Variants in PAK1IP1 observed in about 807,000 individuals in gnomAD.
PAK1IP1 encodes the protein p21-activated protein kinase-interacting protein 1.
In PAK1IP1, 24 loss-of-function variants were observed where a neutral mutation model predicts 42.0. That is an observed-to-expected ratio of 0.57 (90% CI 0.41 to 0.80). The LOEUF is 0.80. PAK1IP1 is among the 30% of genes least tolerant of loss of function. The pLI, the probability that PAK1IP1 is intolerant of heterozygous loss-of-function variation, is 0.00. For missense variants in PAK1IP1, 411 were observed against 467.9 expected, an observed-to-expected ratio of 0.88 and a Z score of 1.12; for synonymous variants, 154 against 156.7, an observed-to-expected ratio of 0.98 and a Z score of 0.13.
At position 10,702,439 on chromosome 6, in the gene PAK1IP1, T is replaced by C. The variant is rs772929209; in HGVS notation, c.318T>C (p.Cys106=). The change falls in exon 3 of 10, where the codon TGT becomes TGC. Residue 106 remains cysteine, a synonymous_variant. Transcript: ENST00000379568. ...LISGAEDGLI[C]IWDAKKWECL... ...GTGGAGCGGAAGATGGACTCATCTGTATCTGGGATGCAAAGAAATGGGAAT... is the reference window on the plus strand; with the variant it reads ...GTGGAGCGGAAGATGGACTCATCTGCATCTGGGATGCAAAGAAATGGGAAT... 1.5e-5 allele frequency: 25 copies of C among 1,613,856 alleles called. 1 individual carries two copies. In the South Asian group the frequency reaches 2.7e-4, roughly 18 times the overall value.
intron 2 of PAK1IP1, among the ~76,000 whole-genome samples, chr6:10,700,077 G>T (rs1018143577): frequency 4.0e-5 from 6 of 151,776 alleles, no homozygotes; most frequent in Non-Finnish European, 7.4e-5. Context: ...TGGCGGGGGC[G>T]GGGGGGCTTC....
chr6:10,692,309 CACTT>C (rs1163520844), upstream of PAK1IP1, among the ~76,000 whole-genome samples: 3 of 152,182 alleles, frequency 2.0e-5, no homozygotes, highest in Non-Finnish European at 4.4e-5. Context: ...GTCCAGAGGA[CACTT>C]ACTTCACACT....
intron 7 of PAK1IP1, among the ~76,000 whole-genome samples, chr6:10,706,513 C>T (rs916300652): frequency 1.3e-5 from 2 of 152,152 alleles, no homozygotes; most frequent in Admixed American, 1.3e-4. Flanking sequence ...CCACTTCTTC[C>T]TCTCCCATCT....
At chr6:10,700,767 C>CTCTTGGTT (rs1770003247) in intron 2 of PAK1IP1, among the ~76,000 whole-genome samples, 1 of 152,102 alleles carries the variant, frequency 6.6e-6, no homozygotes, top group African/African-American at 2.4e-5. Context: ...TGAAGTAGGG[C>CTCTTGGTT]TCTTGGTTTC....
chr6:10,696,974 A>C (rs1454008904), intron 1 of PAK1IP1, among the ~76,000 whole-genome samples: 1 of 152,254 alleles, frequency 6.6e-6, no homozygotes, highest in East Asian at 1.9e-4. Context: ...TCTCACATAT[A>C]AAGTAAATAC....
chr6:10,693,638 G>A (rs537506664), upstream of PAK1IP1, among the ~76,000 whole-genome samples: 49 of 152,240 alleles, frequency 3.2e-4, no homozygotes, highest in Non-Finnish European at 6.9e-4. Context: ...CGGTGTTTAT[G>A]AGAACTATAC....
At position 10,709,265 on chromosome 6, in the gene PAK1IP1, A is replaced by G; in HGVS notation, c.992A>G (p.Lys331Arg). The change falls in exon 10 of 10, where the codon AAA becomes AGA. Residue 331 changes from lysine to arginine, a missense_variant. Lys to Arg is a conservative substitution (Grantham distance 26). Coordinates refer to ENST00000379568, the MANE Select transcript of PAK1IP1 (RefSeq NM_017906.3). ...AGTAAAGAACAGTCCAAAATTGGCA[A>G]AAAGGAGCCTGGTGACACAGTGCAC... ...PVSKEQSKIG[K>R]KEPGDTVHKE... 4 of 1,611,176 alleles carry G rather than the reference A, an allele frequency of 2.5e-6. No individual in the cohort carries two copies. The highest frequency in any genetic ancestry group is 2.5e-6 in the Non-Finnish European group (3 of 1,179,360).
upstream of PAK1IP1, chr6:10,694,911 T>TTG (rs1295828247): frequency 9.9e-6 from 9 of 908,126 alleles, no homozygotes; most frequent in African/African-American, 1.6e-4. Flanking sequence ...GTGTTTTTTT[T>TTG]TTTTTTTTTT....
chr6:10,703,621 T>C lies in PAK1IP1; in HGVS notation c.496+164T>C, dbSNP rs111764241. Among the ~76,000 whole-genome samples the C allele has an allele frequency of 5.8e-3, 878 of 152,326 alleles. 8 individuals are homozygous for C. The highest frequency in any genetic ancestry group is 0.02 in the African/African-American group (834 of 41,560). On this transcript the variant is annotated intron_variant, in intron 5 of 9. Transcript: ENST00000379568. ...TCAGAACCTTGTTTCATACACAAAA[T>C]TATTTAAAATATTGTGTAAAATTAC...
intron 2 of PAK1IP1, among the ~76,000 whole-genome samples, chr6:10,699,740 C>G (rs929779403): frequency 2.0e-5 from 3 of 152,212 alleles, no homozygotes; most frequent in African/African-American, 7.2e-5. Context: ...CCACACCAGG[C>G]ATTGGTTTCC....
chr6:10,704,636 CTG>C lies in PAK1IP1; in HGVS notation c.628_629del (p.Val210Ter). 1 of 1,612,188 alleles carries C rather than the reference CTG, an allele frequency of 6.2e-7. No homozygotes were observed. The highest frequency in any genetic ancestry group is 2.2e-5 in the East Asian group (1 of 44,832). Reference sequence around the variant, plus strand: ...ATCACAAATGAAAAGAGAATTTCCTCTGTTAAATTTCTTTCAGTAAGTAATCA... The same window carrying C: ...ATCACAAATGAAAAGAGAATTTCCTCTTAAATTTCTTTCAGTAAGTAATCA... On this transcript the variant is annotated frameshift_variant, in exon 6 of 10. Transcript: ENST00000379568. LOFTEE classifies it high-confidence loss of function.
chr6:10,709,283 C>T lies in PAK1IP1; in HGVS notation c.1010C>T (p.Thr337Ile). 6.2e-7 allele frequency: 1 copy of T among 1,613,788 alleles called. No homozygotes were observed. Among genetic ancestry groups the T allele is most frequent in the Non-Finnish European group, 8.5e-7 (1 of 1,179,950 alleles). ...SKIGKKEPGD[T>I]VHKEEKRSKP... ...ATTGGCAAAAAGGAGCCTGGTGACA[C>T]AGTGCACAAAGAAGAAAAGCGGTCA... The change falls in exon 10 of 10, where the codon ACA becomes ATA. Residue 337 changes from threonine to isoleucine, a missense_variant. By Grantham distance (89) the Thr-to-Ile change is moderately conservative. Transcript: ENST00000379568.
intron 2 of PAK1IP1, 88 bp downstream of exon 2, chr6:10,697,574 T>C (rs1769897162): frequency 9.7e-7 from 1 of 1,031,186 alleles, no homozygotes; most frequent in South Asian, 1.6e-5. Flanking sequence ...ATCTATTTTA[T>C]AGCAGATTCT....
upstream of PAK1IP1, among the ~76,000 whole-genome samples, chr6:10,690,949 G>A (rs1297825200): frequency 6.6e-6 from 1 of 152,144 alleles, no homozygotes; most frequent in African/African-American, 2.4e-5. Flanking sequence ...ATGAAAATCC[G>A]CAATCTAAGA....
In PAK1IP1 at chr6:10,706,345, G is replaced by A. The variant is rs12175480; in HGVS notation, c.741-1070G>A. The stretch of plus-strand genomic sequence containing the variant: ...AGGTGAGAATGAGCAAGGAGAAGAC[G>A]GTGGAAGCCAATCGGTGCCTGTAAT... On this transcript the variant is annotated intron_variant, in intron 7 of 9. Coordinates refer to ENST00000379568, the MANE Select transcript of PAK1IP1 (RefSeq NM_017906.3). Among the ~76,000 whole-genome samples, 54 of 152,060 alleles carry A rather than the reference G, an allele frequency of 3.6e-4. 2 individuals are homozygous for A. The East Asian group carries it at 8.2e-3, about 23-fold the overall frequency.
chr6:10,708,137 T>A (rs1770261717), intron 8 of PAK1IP1, among the ~76,000 whole-genome samples: 1 of 151,956 alleles, frequency 6.6e-6, no homozygotes, highest in Non-Finnish European at 1.5e-5. Flanking sequence ...TTTAGAATAT[T>A]TTCATCACAC....
chr6:10,709,603 T>TA lies in PAK1IP1; in HGVS notation c.*167dup, dbSNP rs34602235. ...AAAACCACTTTTAGATGGTTTTTTT[T>TA]AAAAAAAAAAAAAAAACTGGTAAAA... On this transcript the variant is annotated 3_prime_UTR_variant, in exon 10 of 10. Coordinates refer to ENST00000379568, the MANE Select transcript of PAK1IP1 (RefSeq NM_017906.3). 0.12 allele frequency: 33,581 copies of TA among 279,394 alleles called. 2 individuals are homozygous for TA. Among genetic ancestry groups the TA allele is most frequent in the East Asian group, 0.18 (2,918 of 16,392 alleles). 17.3% of individuals were successfully genotyped at this position (279,394 alleles called of 1,614,324 possible).
chr6:10,694,903 G>GT (rs878881986), upstream of PAK1IP1: 39,516 of 618,560 alleles, frequency 0.064, 62 homozygotes, highest in South Asian at 0.096. Context: ...GGAGTCAGGT[G>GT]TTTTTTTTTT....
intron 2 of PAK1IP1, among the ~76,000 whole-genome samples, chr6:10,701,375 C>T (rs1488752670): frequency 7.2e-5 from 11 of 152,216 alleles, no homozygotes. Context: ...CCTCGCCTAG[C>T]CAGTGTTTAA....
Sources: gnomAD v4.1 joint callset for allele counts (sites outside exome capture counted in the v4.1 genomes callset) on GRCh38, gnomAD v4.1.1 for gene constraint, MANE v1.5 for transcripts, NCBI Gene and HGNC (gene_info 2026-07-23, HGNC 2026-07-21) for gene names.